PLEKHG1: variants seen among roughly 807,000 people sequenced by gnomAD.
The protein encoded by PLEKHG1 is pleckstrin homology domain-containing family G member 1.
A neutral mutation model predicts 100.8 loss-of-function variants in PLEKHG1; 44 were observed. The ratio of observed to expected loss-of-function variants is 0.44; its 90% confidence interval spans 0.34 to 0.56. The LOEUF (loss-of-function observed/expected upper bound fraction) is 0.56. Ranked by LOEUF, PLEKHG1 falls within the 20% of genes least tolerant of loss-of-function variation. The probability of loss-of-function intolerance (pLI) is 0.01; values close to 1 mark genes in which losing one functional copy is unlikely to be tolerated. For missense variants in PLEKHG1, 1,545 were observed against 1,720.9 expected (o/e 0.90, Z 1.81); for synonymous variants, 640 against 662.5 (o/e 0.97, Z 0.52).
upstream of PLEKHG1, among the ~76,000 whole-genome samples, chr6:150,718,704 G>A (rs189922483): frequency 6.6e-6 from 1 of 152,070 alleles, no homozygotes; most frequent in African/African-American, 2.4e-5. Flanking sequence ...TTCTGACCTC[G>A]TGATCCACCT....
Position 150,733,607 on chromosome 6 carries a change from G to A in PLEKHG1, c.-75G>A. On this transcript the variant is annotated 5_prime_UTR_variant, in exon 2 of 16. It adds an upstream start codon to the 5' untranslated region. Coordinates refer to ENST00000358517, the Ensembl canonical transcript of PLEKHG1. ...AGATGGGCACCAGTTGCGTCTTGAA[G>A]TGCCATCAGCTGTAACCAAAGTTCC... 1 of 1,612,670 alleles carries A rather than the reference G, an allele frequency of 6.2e-7. No individual in the cohort carries two copies. Among genetic ancestry groups the A allele is most frequent in the Non-Finnish European group, 8.5e-7 (1 of 1,179,396 alleles).
chr6:150,602,347 T>C (rs1345910027), intron 1 of PLEKHG1, among the ~76,000 whole-genome samples: 1 of 152,244 alleles, frequency 6.6e-6, no homozygotes, highest in East Asian at 1.9e-4. Flanking sequence ...GAAGGGCTCT[T>C]GGATGACCTA....
intron 1 of PLEKHG1, among the ~76,000 whole-genome samples, chr6:150,726,595 CTT>C (rs1781975018): frequency 6.6e-6 from 1 of 152,168 alleles, no homozygotes; most frequent in South Asian, 2.1e-4. Flanking sequence ...TTGTTTAAAA[CTT>C]ATTTAACCTT....
intron 1 of PLEKHG1, among the ~76,000 whole-genome samples, chr6:150,619,792 C>G (rs1777219646): frequency 6.6e-6 from 1 of 152,160 alleles, no homozygotes; most frequent in African/African-American, 2.4e-5. Context: ...CTTCACAGCT[C>G]CAGGGACCAG....
intron 3 of PLEKHG1, among the ~76,000 whole-genome samples, chr6:150,699,306 C>G (rs1339693444): frequency 1.3e-5 from 2 of 152,256 alleles, no homozygotes; most frequent in Non-Finnish European, 2.9e-5. Context: ...CCTGAAGTCT[C>G]TGGTGCCTGG....
chr6:150,742,941 A>G (rs1475565967), intron 2 of PLEKHG1, among the ~76,000 whole-genome samples: 4 of 152,146 alleles, frequency 2.6e-5, no homozygotes, highest in Non-Finnish European at 5.9e-5. Flanking sequence ...CATCCCAGTC[A>G]ACTAGACGGG....
At chr6:150,731,065 G>GAA (rs1368129930) in intron 1 of PLEKHG1, among the ~76,000 whole-genome samples, 1 of 152,076 alleles carries the variant, frequency 6.6e-6, no homozygotes, top group African/African-American at 2.4e-5. Context: ...GAATGGAAAG[G>GAA]AAACCTTGTT....
chr6:150,743,335 G>A (rs144686532), intron 2 of PLEKHG1, among the ~76,000 whole-genome samples: 16,351 of 151,974 alleles, frequency 0.11, 1,002 homozygotes, highest in Admixed American at 0.15. Flanking sequence ...AGCCTGACCA[G>A]CATGGTGAAA....
At chr6:150,768,515 G>C (rs1432760475) in intron 2 of PLEKHG1, 123 bp from the exon 4 acceptor site, 1 of 645,002 alleles carries the variant, frequency 1.6e-6, no homozygotes, top group Non-Finnish European at 2.8e-6. Flanking sequence ...TGTACTCTCA[G>C]AGTTAATGAG....
exon 9 of PLEKHG1, chr6:150,809,401 G>A: frequency 6.2e-7 from 1 of 1,613,786 alleles, no homozygotes; most frequent in Non-Finnish European, 8.5e-7. Flanking sequence ...TCATGCTTGT[G>A]GAGGTGATTC....
chr6:150,699,152 G>T (rs1396747718), intron 3 of PLEKHG1, among the ~76,000 whole-genome samples: 3 of 152,304 alleles, frequency 2.0e-5, no homozygotes, highest in South Asian at 2.1e-4. Flanking sequence ...AGATGTTATT[G>T]TCGGGGGAAA....
chr6:150,773,762 C>G (rs900919918), intron 3 of PLEKHG1, among the ~76,000 whole-genome samples: 3 of 152,098 alleles, frequency 2.0e-5, no homozygotes, highest in Non-Finnish European at 2.9e-5. Flanking sequence ...ATTGAAATTG[C>G]ATTAAATTTT....
At chr6:150,843,587 C>T (rs1328724539) in exon 16 of PLEKHG1, 1 of 152,056 alleles carries the variant, frequency 6.6e-6, no homozygotes, top group Non-Finnish European at 1.5e-5. Flanking sequence ...TCTAGAAAAA[C>T]ATAGTTTAAA....
At chr6:150,755,627 G>A (rs1447010060) in intron 2 of PLEKHG1, among the ~76,000 whole-genome samples, 1 of 152,142 alleles carries the variant, frequency 6.6e-6, no homozygotes, top group Non-Finnish European at 1.5e-5. Flanking sequence ...GGAGACACTG[G>A]TGGTTGTATT....
chr6:150,749,790 AG>A (rs1440882060), intron 2 of PLEKHG1, among the ~76,000 whole-genome samples: 1 of 152,192 alleles, frequency 6.6e-6, no homozygotes, highest in Non-Finnish European at 1.5e-5. Flanking sequence ...ATGCACCCAA[AG>A]GGCTGGGAGC....
Position 150,786,459 on chromosome 6 carries a change from G to GGTAA in PLEKHG1, c.582+2_582+5dup. The GGTAA allele has an allele frequency of 6.2e-7, 1 of 1,605,442 alleles. No individual in the cohort carries two copies. Among genetic ancestry groups the GGTAA allele is most frequent in the East Asian group, 2.2e-5 (1 of 44,816 alleles). On this transcript the variant is annotated frameshift_variant and splice_region_variant. Transcript: ENST00000358517. LOFTEE classifies it high-confidence loss of function. ...CCATAGCAGAGTGTTTTGTGTCCAA[G>GGTAA]GTAAGCAGGGTTCATCCTTCTGGGC...
intron 1 of PLEKHG1, among the ~76,000 whole-genome samples, chr6:150,726,916 T>G (rs1194162283): frequency 6.6e-6 from 1 of 152,210 alleles, no homozygotes; most frequent in Non-Finnish European, 1.5e-5. Context: ...ATTTTTTAAC[T>G]TGGACTCTTA....
At chr6:150,747,617 G>A (rs766284568) in intron 2 of PLEKHG1, among the ~76,000 whole-genome samples, 8 of 150,546 alleles carry the variant, frequency 5.3e-5, no homozygotes, top group Non-Finnish European at 1.0e-4. Flanking sequence ...TTTTGGCCGG[G>A]CGTGGTGGCT....
intron 1 of PLEKHG1, among the ~76,000 whole-genome samples, chr6:150,615,608 A>G (rs1327977712): frequency 2.6e-5 from 4 of 152,248 alleles, no homozygotes; most frequent in African/African-American, 9.6e-5. Context: ...CAGATATAAA[A>G]TCACATAGGC....
Sources: gnomAD v4.1 joint callset for allele counts (sites outside exome capture counted in the v4.1 genomes callset) on GRCh38, gnomAD v4.1.1 for gene constraint, MANE v1.5 for transcripts, NCBI Gene and HGNC (gene_info 2026-07-23, HGNC 2026-07-21) for gene names.